The following CPT1A variants were observed in gnomAD, a reference collection of about 807,000 sequenced individuals.
The protein encoded by CPT1A is carnitine O-palmitoyltransferase 1, liver isoform.
CPT1A carries 64 observed loss-of-function variants against 100.8 expected under a neutral mutation model. The observed-to-expected ratio is 0.63, with a 90% confidence interval of 0.52 to 0.78. The LOEUF (loss-of-function observed/expected upper bound fraction) is 0.78, where lower values mean the gene tolerates loss of function less well. CPT1A is among the 30% of genes least tolerant of loss of function. The probability of loss-of-function intolerance (pLI) is 0.00; values close to 1 mark genes in which losing one functional copy is unlikely to be tolerated. For missense variants in CPT1A, 802 were observed against 1,034.1 expected, an observed-to-expected ratio of 0.78 and a Z score of 3.08; for synonymous variants, 363 against 396.0, an observed-to-expected ratio of 0.92 and a Z score of 0.99.
rs1566350503 is a variant in CPT1A at position 68,775,349 on chromosome 11, GT to G, written c.1541del (p.Tyr514SerfsTer17). ...GGATGTCCCACTGCAGCCTGGTGGG[GT>G]ACGGAATGTTCGGATTGATGTCGCC... ...CKGDINPNIP[Y>X]PTRLQWDIPG... is the part of the protein sequence containing the mutation. On this transcript the variant is annotated frameshift_variant, in exon 13 of 19. Transcript: ENST00000265641. LOFTEE classifies it high-confidence loss of function. 6.2e-7 allele frequency: 1 copy of G among 1,614,192 alleles called. No homozygotes were observed. The highest frequency in any genetic ancestry group is 2.2e-5 in the East Asian group (1 of 44,892).
chr11:68,760,625 G>C (rs187271700), intron 16 of CPT1A, among the ~76,000 whole-genome samples: 1 of 152,210 alleles, frequency 6.6e-6, no homozygotes, highest in Non-Finnish European at 1.5e-5. Flanking sequence ...GATTCGGAAC[G>C]GGGACAGAGG....
At chr11:68,825,553 G>T (rs1280578736) in intron 1 of CPT1A, among the ~76,000 whole-genome samples, 1 of 152,076 alleles carries the variant, frequency 6.6e-6, no homozygotes, top group Non-Finnish European at 1.5e-5. Context: ...CCCACAATCT[G>T]GAAATACCTG....
At chr11:68,807,354 C>A (rs1856072396) in intron 4 of CPT1A, 113 bp downstream of exon 4, 1 of 1,128,644 alleles carries the variant, frequency 8.9e-7, no homozygotes, top group Non-Finnish European at 1.3e-6. Context: ...GCCCAAGTCA[C>A]CAACCAAGCA....
intron 2 of CPT1A, among the ~76,000 whole-genome samples, chr11:68,814,714 T>C (rs914772041): frequency 2.6e-5 from 4 of 152,020 alleles, no homozygotes; most frequent in Non-Finnish European, 5.9e-5. Context: ...TGAGACAAAG[T>C]CTCGCTCTGT....
chr11:68,799,421 C>T lies in CPT1A; in HGVS notation c.556-66G>A, dbSNP rs1855843578. The T allele has an allele frequency of 1.4e-5, 22 of 1,559,252 alleles. No homozygotes were observed. In the South Asian group the frequency reaches 2.5e-4, roughly 17 times the overall value. ...CATATTAATCAAAGCCTATGTTTGC[C>T]TCACTTGTGCCTTAGGAAAAGTTCT... On this transcript the variant is annotated intron_variant, in intron 5 of 18. Transcript: ENST00000265641.
rs191401586 is a variant in CPT1A at position 68,807,044 on chromosome 11, C to T, written c.453+423G>A. On this transcript the variant is annotated intron_variant, in intron 4 of 18. Coordinates refer to ENST00000265641, the MANE Select transcript of CPT1A (RefSeq NM_001876.4). The stretch of plus-strand genomic sequence containing the variant: ...CAAAGCCATTACCTTAAATAAGGGA[C>T]CCTTGGGCTGAGGGCCAAAGCAAGC... Among the ~76,000 whole-genome samples, 103 of 152,208 alleles carry T rather than the reference C, an allele frequency of 6.8e-4. 1 individual carries two copies. Among genetic ancestry groups the T allele is most frequent in the African/African-American group, 2.4e-3 (99 of 41,542 alleles).
Position 68,807,641 on chromosome 11 carries a change from G to A in CPT1A, c.282-3C>T, listed in dbSNP as rs757282313. The stretch of plus-strand genomic sequence containing the variant: ...TCGTCTGGCTGGACATGCAGTTGCT[G>A]TGGAGACAGACCCAGACAAGGGAGG... On this transcript the variant is annotated splice_polypyrimidine_tract_variant and splice_region_variant and intron_variant, in intron 3 of 18. Coordinates refer to ENST00000265641, the MANE Select transcript of CPT1A (RefSeq NM_001876.4). 28 of 1,613,956 alleles carry A rather than the reference G, an allele frequency of 1.7e-5. No homozygotes were observed. Among genetic ancestry groups the A allele is most frequent in the Non-Finnish European group, 2.3e-5 (27 of 1,180,018 alleles).
intron 3 of CPT1A, among the ~76,000 whole-genome samples, chr11:68,809,958 A>T (rs879831289): frequency 1.7e-4 from 26 of 152,324 alleles, no homozygotes; most frequent in South Asian, 6.2e-4. Flanking sequence ...CGGGTGGATC[A>T]CTTGAGGTCA....
At chr11:68,839,274 T>G (rs1239071464) in intron 1 of CPT1A, among the ~76,000 whole-genome samples, 1 of 152,224 alleles carries the variant, frequency 6.6e-6, no homozygotes, top group Non-Finnish European at 1.5e-5. Flanking sequence ...GCCTTTAGAT[T>G]TCGGGCAGCA....
In CPT1A at chr11:68,760,132, G is replaced by A. The variant is rs3019598; in HGVS notation, c.2142+93C>T. ...TACGGCGGTAGAACCGCAAGGTAAC[G>A]GGGGCACCCAGCACGGAGATGGGCC... On this transcript the variant is annotated intron_variant, in intron 17 of 18. Coordinates refer to ENST00000265641, the MANE Select transcript of CPT1A (RefSeq NM_001876.4). The A allele has an allele frequency of 0.34, 292,910 of 869,966 alleles. 51,935 individuals are homozygous for A. Among genetic ancestry groups the A allele is most frequent in the African/African-American group, 0.46 (27,592 of 60,000 alleles). 53.9% of individuals were successfully genotyped at this position (869,966 alleles called of 1,614,324 possible).
intron 14 of CPT1A, among the ~76,000 whole-genome samples, chr11:68,772,228 C>G (rs528587333): frequency 6.6e-6 from 1 of 152,146 alleles, no homozygotes; most frequent in African/African-American, 2.4e-5. Context: ...GGGCGCACAC[C>G]TGTAATCCCA....
At chr11:68,780,934 C>T (rs1442485861) in intron 11 of CPT1A, among the ~76,000 whole-genome samples, 189 bp from the exon 12 acceptor site, 1 of 152,194 alleles carries the variant, frequency 6.6e-6, no homozygotes, top group African/African-American at 2.4e-5. Context: ...CTCATTTCTT[C>T]CCTGTCCCAG....
At chr11:68,836,035 G>A (rs1857000901) in intron 1 of CPT1A, among the ~76,000 whole-genome samples, 1 of 152,110 alleles carries the variant, frequency 6.6e-6, no homozygotes, top group African/African-American at 2.4e-5. Flanking sequence ...CTTCCTACCT[G>A]TTGCACCCCC....
chr11:68,757,633 C>T lies in CPT1A; in HGVS notation c.*11G>A. The T allele has an allele frequency of 1.2e-6, 2 of 1,614,100 alleles. No homozygotes were observed. Among genetic ancestry groups the T allele is most frequent in the South Asian group, 1.1e-5 (1 of 91,082 alleles). The stretch of plus-strand genomic sequence containing the variant: ...AAGAGCTCGTTTTCCTTCCCAGCAG[C>T]TCCAGTGGAATTACTTTTTGGAATT... On this transcript the variant is annotated 3_prime_UTR_variant, in exon 19 of 19. Transcript: ENST00000265641.
intron 11 of CPT1A, among the ~76,000 whole-genome samples, chr11:68,781,085 G>A (rs1260279263): frequency 1.3e-5 from 2 of 152,192 alleles, no homozygotes; most frequent in Non-Finnish European, 2.9e-5. Context: ...CCCTGCAGGG[G>A]GCGGGGCTGG....
At chr11:68,820,884 C>T (rs781141584) in intron 1 of CPT1A, among the ~76,000 whole-genome samples, 13 of 152,082 alleles carry the variant, frequency 8.5e-5, no homozygotes, top group African/African-American at 1.9e-4. Context: ...ATCTGTCCCC[C>T]GGAATCTGAG....
intron 1 of CPT1A, among the ~76,000 whole-genome samples, chr11:68,819,508 C>T (rs751738648): frequency 5.3e-5 from 8 of 152,090 alleles, no homozygotes; most frequent in African/African-American, 1.7e-4. Context: ...TACCTCTGCA[C>T]GATTGATAAG....
chr11:68,833,355 G>A (rs535765077), intron 1 of CPT1A, among the ~76,000 whole-genome samples: 5 of 152,316 alleles, frequency 3.3e-5, no homozygotes, highest in African/African-American at 9.6e-5. Context: ...GTGGGTGTGC[G>A]CTCTCTGCAC....
intron 12 of CPT1A, among the ~76,000 whole-genome samples, chr11:68,778,311 GAGCCAGGGGA>G (rs938455066): frequency 6.6e-6 from 1 of 152,144 alleles, no homozygotes; most frequent in African/African-American, 2.4e-5. Flanking sequence ...ACGGGGCCAG[GAGCCAGGGGA>G]AGCCAGGGGG....
Sources: allele counts gnomAD v4.1 joint callset (sites outside exome capture counted in the v4.1 genomes callset), GRCh38; gene constraint gnomAD v4.1.1; transcripts MANE v1.5; gene names NCBI Gene and HGNC (gene_info 2026-07-23, HGNC 2026-07-21).